UBR2: variants seen among roughly 807,000 people sequenced by gnomAD.
The protein encoded by UBR2 is E3 ubiquitin-protein ligase UBR2.
Under a neutral mutation model 247.9 loss-of-function variants are expected in UBR2, and 92 were observed. That is an observed-to-expected ratio of 0.37 (90% confidence interval 0.31 to 0.44). The LOEUF (loss-of-function observed/expected upper bound fraction) is 0.44. Among genes scored for constraint, UBR2 ranks in the 20% least tolerant of loss-of-function variants. The probability of loss-of-function intolerance (pLI) is 1.00; values close to 1 mark genes in which losing one functional copy is unlikely to be tolerated. For synonymous variants in UBR2, 672 were observed against 693.5 expected, an observed-to-expected ratio of 0.97 and a Z score of 0.49; for missense variants, 1,613 against 2,112.6, an observed-to-expected ratio of 0.76 and a Z score of 4.64.
In UBR2 at chr6:42,588,974, G is replaced by A. The variant is rs1244080002; in HGVS notation, c.339-3177G>A. Among the ~76,000 whole-genome samples, 4 of 152,196 alleles carry A rather than the reference G, an allele frequency of 2.6e-5. No individual in the cohort carries two copies. In the East Asian group the frequency reaches 5.8e-4, roughly 22 times the overall value. Reference sequence around the variant, plus strand: ...TGCTGAGAGTTTTTATTATGAATGGGCATTGTATTTTGTCAAATCCTTTTT... The same window carrying A: ...TGCTGAGAGTTTTTATTATGAATGGACATTGTATTTTGTCAAATCCTTTTT... On this transcript the variant is annotated intron_variant, in intron 2 of 46. Transcript: ENST00000372901.
intron 36 of UBR2, among the ~76,000 whole-genome samples, chr6:42,672,166 G>A (rs2151983987): frequency 6.6e-6 from 1 of 152,096 alleles, no homozygotes; most frequent in South Asian, 2.1e-4. Context: ...CCGAGTAGCT[G>A]GGATTACAGG....
chr6:42,644,219 T>G lies in UBR2; in HGVS notation c.2103T>G (p.Gly701=), dbSNP rs772414518. The stretch of plus-strand genomic sequence containing the variant: ...ACATTAAAAAAAAAAAAAAGACAGG[T>G]GTCTCCATGATGGATCCAAATCATT... ...FDKDVVMLQT[G]VSMMDPNHFL... The change falls in exon 19 of 47, where the codon GGT becomes GGG. Residue 701 remains glycine (G), a synonymous_variant. Transcript: ENST00000372901. 18 of 1,579,844 alleles carry G rather than the reference T, an allele frequency of 1.1e-5. No individual in the cohort carries two copies. Among genetic ancestry groups the G allele is most frequent in the Non-Finnish European group, 5.1e-6 (6 of 1,171,424 alleles).
chr6:42,635,887 G>A (rs567732777), intron 14 of UBR2, among the ~76,000 whole-genome samples: 1 of 152,194 alleles, frequency 6.6e-6, no homozygotes, highest in East Asian at 1.9e-4. Flanking sequence ...CATTTGTCCT[G>A]TGTCTTAAAA....
At position 42,692,566 on chromosome 6, in the gene UBR2, T is replaced by C. The variant is rs972417782; in HGVS notation, c.*1393T>C. 2 of 152,240 alleles carry C rather than the reference T, an allele frequency of 1.3e-5. No individual in the cohort carries two copies. The highest frequency in any genetic ancestry group is 4.8e-5 in the African/African-American group (2 of 41,464). The allele number at this position is 152,240 out of a possible 1,614,324, so 9.4% of individuals were successfully genotyped here. On this transcript the variant is annotated 3_prime_UTR_variant, in exon 47 of 47. Transcript: ENST00000372901. Reference sequence around the variant, plus strand: ...ATTCTGAGCCTGTCTAAGGTGGGGCTAAGGAACAGATGAGTAATAAGAGGC... The same window carrying C: ...ATTCTGAGCCTGTCTAAGGTGGGGCCAAGGAACAGATGAGTAATAAGAGGC...
In UBR2 at chr6:42,630,458, C is replaced by T. The variant is rs140563065; in HGVS notation, c.1282-2094C>T. Among the ~76,000 whole-genome samples, 312 of 151,824 alleles carry T rather than the reference C, an allele frequency of 2.1e-3. 1 individual carries two copies. Among genetic ancestry groups the T allele is most frequent in the African/African-American group, 7.3e-3 (302 of 41,412 alleles). ...ACCTCGGCCTCCCTTGCTGGGATAA[C>T]AGGCATAAGCCACTGCACCCAGCCT... On this transcript the variant is annotated intron_variant, in intron 11 of 46. Transcript: ENST00000372901.
At position 42,619,436 on chromosome 6, in the gene UBR2, TATATATATATATA is replaced by T. The variant is rs1394427406; in HGVS notation, c.1281+1930_1281+1942del. On this transcript the variant is annotated intron_variant, in intron 11 of 46. Coordinates refer to ENST00000372901, the MANE Select transcript of UBR2 (RefSeq NM_001363705.2). ...ACATATATATATATATATATATATATATATATATATATATATATTTTTTTTTTTTAGTTCTCTA... is the reference window on the plus strand; with the variant it reads ...ACATATATATATATATATATATATATTATATTTTTTTTTTTTAGTTCTCTA... 1.8e-3 allele frequency: 44 copies of T among 24,116 alleles called. 4 individuals are homozygous for T. Among genetic ancestry groups the T allele is most frequent in the East Asian group, 3.1e-3 (2 of 652 alleles). 1.5% of individuals were successfully genotyped at this position (24,116 alleles called of 1,614,324 possible). A position where few individuals can be genotyped will look rare whatever the true frequency, so the allele number is the denominator to read the frequency against.
At chr6:42,599,532 G>T (rs193132121) in intron 4 of UBR2, among the ~76,000 whole-genome samples, 15 of 152,280 alleles carry the variant, frequency 9.9e-5, no homozygotes, top group Non-Finnish European at 2.1e-4. Flanking sequence ...CAGTAATGAT[G>T]CTCTTAACAC....
intron 22 of UBR2, among the ~76,000 whole-genome samples, chr6:42,649,146 T>TC (rs1796956409): frequency 6.6e-6 from 1 of 152,168 alleles, no homozygotes; most frequent in African/African-American, 2.4e-5. Flanking sequence ...TAGCTGGGAT[T>TC]ACAGGCGCCC....
chr6:42,662,122 A>G (rs1003546855), intron 30 of UBR2, 62 bp from the exon 31 acceptor site: 1 of 1,097,240 alleles, frequency 9.1e-7, no homozygotes, highest in Non-Finnish European at 1.3e-6. Flanking sequence ...AAAGTTACAC[A>G]TTTGTTATAG....
chr6:42,623,273 G>A (rs1795116315), intron 11 of UBR2, among the ~76,000 whole-genome samples: 1 of 152,024 alleles, frequency 6.6e-6, no homozygotes, highest in South Asian at 2.1e-4. Context: ...TCAGATTAGA[G>A]AAATTTTCTC....
chr6:42,581,164 T>A (rs1791871304), intron 2 of UBR2, among the ~76,000 whole-genome samples: 1 of 150,758 alleles, frequency 6.6e-6, no homozygotes, highest in South Asian at 2.1e-4. Flanking sequence ...CATGTGTCTG[T>A]CACTATGTTG....
intron 2 of UBR2, among the ~76,000 whole-genome samples, chr6:42,577,718 CT>C (rs1328389214): frequency 6.6e-6 from 1 of 151,802 alleles, no homozygotes; most frequent in Non-Finnish European, 1.5e-5. Flanking sequence ...TTTCATCCCC[CT>C]GTTTTTTTAG....
At chr6:42,612,512 A>G (rs1426298623) in intron 8 of UBR2, among the ~76,000 whole-genome samples, 1 of 152,256 alleles carries the variant, frequency 6.6e-6, no homozygotes, top group African/African-American at 2.4e-5. Context: ...TTCTCTATTC[A>G]AATAAATTCA....
rs759693818 is a variant in UBR2, at chr6:42,676,831, C to T, written c.4436C>T (p.Ala1479Val). The change falls in exon 40 of 47, where the codon GCA (alanine) becomes GTA (valine). Residue 1479 changes from alanine to valine, a missense_variant. Around this residue, in one of 3 missense-constraint regions of UBR2, gnomAD observed 1,524 missense variants for 1,967.3 expected, o/e 0.77. Coordinates refer to ENST00000372901, the MANE Select transcript of UBR2 (RefSeq NM_001363705.2). Reference protein sequence around the residue: ...QENPPCEEESAVLALYKTLHQ... With the variant: ...QENPPCEEESVVLALYKTLHQ... Reference sequence around the variant, plus strand: ...AATCCCCCTTGTGAAGAAGAATCAGCAGTTCTTGCTTTGTATAAAACACTT... The same window carrying T: ...AATCCCCCTTGTGAAGAAGAATCAGTAGTTCTTGCTTTGTATAAAACACTT... 1.2e-6 allele frequency: 2 copies of T among 1,613,972 alleles called. No individual in the cohort carries two copies. The highest frequency in any genetic ancestry group is 1.1e-5 in the South Asian group (1 of 91,088).
rs777603875 is a variant in UBR2 at position 42,663,326 on chromosome 6, A to T, written c.3605A>T (p.Asp1202Val). Reference sequence around the variant, plus strand: ...AGATTACGCTTACATACGAGCTATGATGTAGAAAACGGAGAATTCCTTTGC... The same window carrying T: ...AGATTACGCTTACATACGAGCTATGTTGTAGAAAACGGAGAATTCCTTTGC... ...QQRLRLHTSY[D>V]VENGEFLCPL... The change falls in exon 32 of 47, where the codon GAT becomes GTT. Residue 1202 changes from aspartate to valine, a missense_variant. Around this residue, in one of 3 missense-constraint regions of UBR2, gnomAD observed 1,524 missense variants for 1,967.3 expected, o/e 0.77. Transcript: ENST00000372901. 6.2e-7 allele frequency: 1 copy of T among 1,614,006 alleles called. No individual in the cohort carries two copies. Among genetic ancestry groups the T allele is most frequent in the Non-Finnish European group, 8.5e-7 (1 of 1,179,956 alleles).
chr6:42,625,866 T>G (rs1795311026), intron 11 of UBR2, among the ~76,000 whole-genome samples: 1 of 150,750 alleles, frequency 6.6e-6, no homozygotes, highest in Non-Finnish European at 1.5e-5. Context: ...CAGGTTGGAG[T>G]GCAGTGGTGC....
intron 33 of UBR2, 80 bp from the exon 34 acceptor site, chr6:42,666,087 G>A: frequency 6.5e-6 from 8 of 1,238,432 alleles, no homozygotes; most frequent in Non-Finnish European, 8.9e-6. Context: ...TTTTGTTTTT[G>A]ATTTCTTTGA....
At position 42,658,240 on chromosome 6, in the gene UBR2, A is replaced by G; in HGVS notation, c.2983A>G (p.Thr995Ala). 1 of 1,610,332 alleles carries G rather than the reference A, an allele frequency of 6.2e-7. No individual in the cohort carries two copies. The highest frequency in any genetic ancestry group is 2.2e-5 in the East Asian group (1 of 44,838). The change falls in exon 28 of 47, where the codon ACT (threonine) becomes GCT (alanine). Residue 995 changes from threonine to alanine, a missense_variant and splice_region_variant. Around this residue, in one of 3 missense-constraint regions of UBR2, gnomAD observed 1,524 missense variants for 1,967.3 expected, o/e 0.77. Transcript: ENST00000372901. ...GATACTGATACTTTTTTTTTTGTAG[A>G]CTTTTAATGCTGTTAAAAAGATGAG... ...HKDMIRWILK[T>A]FNAVKKMRES...
Position 42,678,623 on chromosome 6 carries a change from A to G in UBR2, c.4563A>G (p.Leu1521=). Residue 1521 remains leucine (L), a synonymous_variant, in exon 41 of 47, where the codon TTA becomes TTG. Transcript: ENST00000372901. The part of the protein sequence containing the change: ...GIMPFLKCSA[L]FFHYLNGVPS... ...TGCCTTTCCTGAAGTGTTCTGCTTT[A>G]TTTTTTCATTACTTAAATGGAGTTC... 6.2e-7 allele frequency: 1 copy of G among 1,612,802 alleles called. No homozygotes were observed.
Sources: gnomAD v4.1 joint callset for allele counts (sites outside exome capture counted in the v4.1 genomes callset) on GRCh38, gnomAD v4.1.1 for gene constraint, gnomAD v4.1.1 regional missense constraint, MANE v1.5 for transcripts, NCBI Gene and HGNC (gene_info 2026-07-23, HGNC 2026-07-21) for gene names.